Variants in RBFOX1 observed in about 807,000 individuals in gnomAD.
The protein encoded by RBFOX1 is RNA binding protein fox-1 homolog 1.
In RBFOX1, 8 loss-of-function variants were observed where a neutral mutation model predicts 57.7. That is an observed-to-expected ratio of 0.14 (90% CI 0.08 to 0.25). RBFOX1 has a LOEUF of 0.25. Among genes scored for constraint, RBFOX1 ranks in the 10% least tolerant of loss-of-function variants. The pLI, the probability that RBFOX1 is intolerant of heterozygous loss-of-function variation, is 1.00. For synonymous variants in RBFOX1, 326 were observed against 222.4 expected (o/e 1.47, Z -4.15); for missense variants, 611 against 548.5 (o/e 1.11, Z -1.14).
At chr16:5,583,521 C>T (rs576396267) in intron 2 of RBFOX1, among the ~76,000 whole-genome samples, 101 of 152,230 alleles carry the variant, frequency 6.6e-4, no homozygotes, top group Non-Finnish European at 1.1e-3. Context: ...GTTCTGACCG[C>T]GAGGCAATCC....
chr16:5,609,904 C>T (rs1297793733), intron 3 of RBFOX1, among the ~76,000 whole-genome samples: 1 of 152,198 alleles, frequency 6.6e-6, no homozygotes, highest in Admixed American at 6.5e-5. Context: ...AAACCGACAT[C>T]AGCATAATTT....
intron 3 of RBFOX1, among the ~76,000 whole-genome samples, chr16:6,997,669 G>A (rs923831594): frequency 3.3e-5 from 5 of 152,092 alleles, no homozygotes; most frequent in African/African-American, 1.2e-4. Context: ...GTATTGTTCG[G>A]TTTCTTGAAA....
chr16:5,384,461 A>G (rs948697537), intron 1 of RBFOX1, among the ~76,000 whole-genome samples: 8 of 152,204 alleles, frequency 5.3e-5, no homozygotes, highest in African/African-American at 1.9e-4. Flanking sequence ...TTCTAGAAGC[A>G]GCAAGTTTTA....
At chr16:7,062,315 C>T (rs2054578011) in intron 4 of RBFOX1, among the ~76,000 whole-genome samples, 2 of 43,172 alleles carry the variant, frequency 4.6e-5, no homozygotes, top group African/African-American at 2.5e-4. Flanking sequence ...GAGACTCCAT[C>T]TCAAAAAAAA....
chr16:6,871,192 C>A (rs2060805051), intron 3 of RBFOX1, among the ~76,000 whole-genome samples: 2 of 152,048 alleles, frequency 1.3e-5, no homozygotes, highest in African/African-American at 4.8e-5. Flanking sequence ...AAAATCACCC[C>A]TGCTTTTTTT....
intron 1 of RBFOX1, among the ~76,000 whole-genome samples, chr16:6,228,450 C>T (rs1487347933): frequency 6.6e-6 from 1 of 151,332 alleles, no homozygotes; most frequent in African/African-American, 2.4e-5. Context: ...CACACACATA[C>T]ATATACATGC....
At chr16:7,296,094 C>G (rs1054178923) in intron 4 of RBFOX1, among the ~76,000 whole-genome samples, 1 of 151,900 alleles carries the variant, frequency 6.6e-6, no homozygotes, top group Non-Finnish European at 1.5e-5. Flanking sequence ...CATTCATTAT[C>G]TCGGTGGTTC....
Position 5,928,601 on chromosome 16 carries a change from C to G in RBFOX1, c.351+61266C>G, listed in dbSNP as rs188508694. ...AGTCACTATATGTTCCTCCTGCCACCACATCCCTTCCTGCTGTCAGATTCT... is the reference window on the plus strand; with the variant it reads ...AGTCACTATATGTTCCTCCTGCCACGACATCCCTTCCTGCTGTCAGATTCT... On this transcript the variant is annotated intron_variant, in intron 4 of 19. Transcript: ENST00000641259. Among the ~76,000 whole-genome samples the G allele has an allele frequency of 1.7e-3, 255 of 151,866 alleles. 1 individual carries two copies. Among genetic ancestry groups the G allele is most frequent in the African/African-American group, 5.8e-3 (240 of 41,392 alleles).
At chr16:7,198,362 G>C (rs919081575) in intron 4 of RBFOX1, among the ~76,000 whole-genome samples, 1 of 152,164 alleles carries the variant, frequency 6.6e-6, no homozygotes, top group African/African-American at 2.4e-5. Context: ...TAGACAGAGG[G>C]TGGTAGTTGT....
At chr16:7,633,269 G>A (rs1385066277) in intron 11 of RBFOX1, among the ~76,000 whole-genome samples, 1 of 152,144 alleles carries the variant, frequency 6.6e-6, no homozygotes, top group Non-Finnish European at 1.5e-5. Context: ...ATACAAAGTG[G>A]CAATATCACT....
intron 3 of RBFOX1, among the ~76,000 whole-genome samples, chr16:6,862,102 G>T (rs376420721): frequency 6.6e-6 from 1 of 152,158 alleles, no homozygotes; most frequent in Non-Finnish European, 1.5e-5. Flanking sequence ...GGCTGTGAGG[G>T]ATACTTGGAA....
At chr16:6,107,719 T>TGG (rs2096398692) in intron 1 of RBFOX1, among the ~76,000 whole-genome samples, 2 of 14,834 alleles carry the variant, frequency 1.3e-4, no homozygotes, top group Admixed American at 1.2e-3. Context: ...ATGGATGGAT[T>TGG]TGTGGGTGGG....
At chr16:7,670,405 C>G (rs1053484554) in intron 13 of RBFOX1, among the ~76,000 whole-genome samples, 24 of 152,048 alleles carry the variant, frequency 1.6e-4, no homozygotes, top group African/African-American at 5.3e-4. Flanking sequence ...GCCTTGAGCC[C>G]ACATGATTTG....
chr16:6,991,136 CAAAAAAAAAAAAAAA>C (rs35889519), intron 3 of RBFOX1, among the ~76,000 whole-genome samples: 1 of 53,034 alleles, frequency 1.9e-5, no homozygotes, highest in African/African-American at 6.9e-5. Flanking sequence ...ATTGTCTCTC[CAAAAAAAAAAAAAAA>C]AAAAAAAAAA....
At chr16:6,768,962 C>T (rs1424317948) in intron 3 of RBFOX1, among the ~76,000 whole-genome samples, 1 of 152,034 alleles carries the variant, frequency 6.6e-6, no homozygotes, top group Non-Finnish European at 1.5e-5. Context: ...CTCCTGACCT[C>T]GTGATCTGCC....
rs936601821 is a variant in RBFOX1, at chr16:7,509,582, C to A, written c.28-8565C>A. On this transcript the variant is annotated intron_variant, in intron 4 of 15. Transcript: ENST00000550418. ...CAATAACTTGTCTAAGATTACACAG[C>A]CAGTCTGCAAAAGAGCTGGATTTCA... is the stretch of plus-strand genomic sequence containing the variant. Among the ~76,000 whole-genome samples, 30 of 152,256 alleles carry A rather than the reference C, an allele frequency of 2.0e-4. No individual in the cohort carries two copies. The East Asian group carries it at 5.0e-3, about 25-fold the overall frequency.
At chr16:6,239,801 C>A (rs1333601882) in intron 1 of RBFOX1, among the ~76,000 whole-genome samples, 5 of 152,026 alleles carry the variant, frequency 3.3e-5, no homozygotes, top group African/African-American at 9.7e-5. Flanking sequence ...CCAGCCTCCA[C>A]CTGACTGTTA....
At chr16:5,868,887 C>T (rs1342488385) in intron 4 of RBFOX1, among the ~76,000 whole-genome samples, 1 of 152,174 alleles carries the variant, frequency 6.6e-6, no homozygotes, top group Admixed American at 6.5e-5. Context: ...TTTGCTGTCA[C>T]GGGAATACCA....
intron 11 of RBFOX1, among the ~76,000 whole-genome samples, chr16:7,650,212 CAAGA>C (rs1431419768): frequency 2.0e-5 from 3 of 152,056 alleles, no homozygotes; most frequent in Non-Finnish European, 2.9e-5. Context: ...CCTAGATTAA[CAAGA>C]AAGAGACCAC....
Sources: allele counts gnomAD v4.1 joint callset (sites outside exome capture counted in the v4.1 genomes callset), GRCh38; gene constraint gnomAD v4.1.1; transcripts MANE v1.5; gene names NCBI Gene and HGNC (gene_info 2026-07-23, HGNC 2026-07-21).